LAMC2: variants seen among roughly 807,000 people sequenced by gnomAD.
LAMC2 encodes the protein laminin subunit gamma-2.
A neutral mutation model predicts 140.2 loss-of-function variants in LAMC2; 97 were observed. That is an observed-to-expected ratio of 0.69 (90% CI 0.59 to 0.82). The LOEUF (loss-of-function observed/expected upper bound fraction) is 0.82. Among genes scored for constraint, LAMC2 ranks in the 40% least tolerant of loss-of-function variants. The pLI, the probability that LAMC2 is intolerant of heterozygous loss-of-function variation, is 0.00. For missense variants in LAMC2, 1,402 were observed against 1,476.1 expected (o/e 0.95, Z 0.82); for synonymous variants, 513 against 540.2 (o/e 0.95, Z 0.70).
At position 183,225,704 on chromosome 1, in the gene LAMC2, T is replaced by C; in HGVS notation, c.1050T>C (p.Ala350=). 1 of 1,608,972 alleles carries C rather than the reference T, an allele frequency of 6.2e-7. No homozygotes were observed. The highest frequency in any genetic ancestry group is 1.3e-5 in the African/African-American group (1 of 74,942). ...LRNLTALRIR[A]TYGEYSTGYI... ...ATCTCACAGCCCTCCGCATCCGAGCTACATATGGAGAATACAGTAAGTGGC... is the reference window on the plus strand; with the variant it reads ...ATCTCACAGCCCTCCGCATCCGAGCCACATATGGAGAATACAGTAAGTGGC... The change falls in exon 8 of 23, where the codon GCT becomes GCC. Residue 350 remains alanine, a synonymous_variant. Transcript: ENST00000264144.
intron 22 of LAMC2, among the ~76,000 whole-genome samples, chr1:183,242,098 A>G (rs1173109231): frequency 1.3e-5 from 2 of 152,236 alleles, no homozygotes; most frequent in African/African-American, 4.8e-5. Flanking sequence ...AGTAAATTGT[A>G]GAGGCAGGAT....
At position 183,186,403 on chromosome 1, in the gene LAMC2, C is replaced by T. The variant is rs767456437; in HGVS notation, c.51C>T (p.Pro17=). Residue 17 remains proline, a synonymous_variant, in exon 1 of 23, where the codon CCC becomes CCT. Transcript: ENST00000264144. ...GCCTCTGCTTCTCGCTCCTCCTGCC[C>T]GCAGCCCGGGCCACCTCCAGGAGGG... ...GCCLCFSLLL[P]AARATSRREV... is the part of the protein sequence containing the mutation. 14 of 1,605,638 alleles carry T rather than the reference C, an allele frequency of 8.7e-6. No homozygotes were observed. The South Asian group carries it at 1.4e-4, about 16-fold the overall frequency.
In LAMC2 at chr1:183,223,236, C is replaced by T. The variant is rs1659527136; in HGVS notation, c.865C>T (p.Leu289=). The change falls in exon 7 of 23, where the codon CTG becomes TTG. Residue 289 remains leucine, a synonymous_variant. Transcript: ENST00000264144. ...GRHPSAHDVI[L]EGAGLRITAP... ...ACACCCATCTGCCCATGATGTGATT[C>T]TGGAAGGTGCTGGTCTACGGATCAC... The T allele has an allele frequency of 6.2e-7, 1 of 1,614,074 alleles. No individual in the cohort carries two copies. The highest frequency in any genetic ancestry group is 1.1e-5 in the South Asian group (1 of 91,086).
intron 1 of LAMC2, among the ~76,000 whole-genome samples, chr1:183,194,449 A>C (rs1406322820): frequency 6.6e-6 from 1 of 152,188 alleles, no homozygotes; most frequent in Non-Finnish European, 1.5e-5. Context: ...ATCTTTGCCT[A>C]ATCTCCTTGT....
Position 183,243,317 on chromosome 1 carries a change from C to G in LAMC2, c.3499C>G (p.Leu1167Val), listed in dbSNP as rs1660178617. 1 of 1,614,078 alleles carries G rather than the reference C, an allele frequency of 6.2e-7. No individual in the cohort carries two copies. The highest frequency in any genetic ancestry group is 1.3e-5 in the African/African-American group (1 of 74,918). Residue 1167 changes from leucine (L) to valine (V), a missense_variant, in exon 23 of 23, where the codon CTG becomes GTG. Coordinates refer to ENST00000264144, the MANE Select transcript of LAMC2 (RefSeq NM_005562.3). ...GCTGGAGACAAGCATAGATGGGATT[C>G]TGGCTGATGTGAAGAACTTGGAGAA... ...HLLETSIDGILADVKNLENIR... is the reference protein window; with the variant it reads ...HLLETSIDGIVADVKNLENIR...
At chr1:183,200,344 C>T (rs1362012188) in intron 1 of LAMC2, among the ~76,000 whole-genome samples, 10 of 151,746 alleles carry the variant, frequency 6.6e-5, no homozygotes, top group Admixed American at 5.3e-4. Flanking sequence ...AAGCCAAGAT[C>T]GCGCCACTGC....
intron 1 of LAMC2, among the ~76,000 whole-genome samples, chr1:183,188,482 C>G (rs1658224391): frequency 6.6e-6 from 1 of 152,196 alleles, no homozygotes; most frequent in South Asian, 2.1e-4. Flanking sequence ...AGCTAAAGCA[C>G]AGGCTTTAGA....
At chr1:183,231,528 G>C (rs1045489979) in intron 12 of LAMC2, among the ~76,000 whole-genome samples, 2 of 152,132 alleles carry the variant, frequency 1.3e-5, no homozygotes, top group Non-Finnish European at 2.9e-5. Flanking sequence ...TTTCCAGCTC[G>C]ATTTCTTTTC....
At chr1:183,192,983 G>A (rs1206917274) in intron 1 of LAMC2, among the ~76,000 whole-genome samples, 2 of 152,230 alleles carry the variant, frequency 1.3e-5, no homozygotes, top group Non-Finnish European at 2.9e-5. Context: ...GGGATTACAG[G>A]CATGAGCCAC....
chr1:183,254,081 C>T, the LAMC2 span, among the ~76,000 whole-genome samples: 3 of 152,102 alleles, frequency 2.0e-5, no homozygotes, highest in Non-Finnish European at 4.4e-5. Context: ...GTGGTGATTT[C>T]ATTTTCTTTG....
chr1:183,210,208 C>G (rs942658044), intron 2 of LAMC2, among the ~76,000 whole-genome samples: 8 of 152,072 alleles, frequency 5.3e-5, no homozygotes, highest in Non-Finnish European at 8.8e-5. Flanking sequence ...TTGTTGACAT[C>G]AAAGGTAATA....
Position 183,200,218 on chromosome 1 carries a change from C to G in LAMC2, c.80-7663C>G, listed in dbSNP as rs578019343. 2.6e-5 allele frequency among the ~76,000 whole-genome samples: 4 copies of G among 152,140 alleles called. No homozygotes were observed. In the South Asian group the frequency reaches 8.3e-4, roughly 32 times the overall value. On this transcript the variant is annotated intron_variant, in intron 1 of 22. Transcript: ENST00000264144. ...CCAGCCTGGCCAACATAGTGAAACC[C>G]TATCTCTAATAAACATACAAAATCA...
At chr1:183,218,653 C>T (rs1009103480) in intron 4 of LAMC2, among the ~76,000 whole-genome samples, 165 bp downstream of exon 4, 86 of 152,286 alleles carry the variant, frequency 5.6e-4, no homozygotes, top group African/African-American at 2.0e-3. Context: ...ACAACAACAG[C>T]AAAAACACAC....
At chr1:183,212,192 A>C (rs1243080026) in intron 2 of LAMC2, among the ~76,000 whole-genome samples, 1 of 152,250 alleles carries the variant, frequency 6.6e-6, no homozygotes, top group Non-Finnish European at 1.5e-5. Context: ...ATTTGGATGC[A>C]GAAAAAATGT....
At position 183,228,356 on chromosome 1, in the gene LAMC2, T is replaced by C. The variant is rs185854317; in HGVS notation, c.1469-18T>C. ...CTGATGGATGTCGACCTAGGCTTGG[T>C]CATTTGTTCCTTCCCAGGTGCCCGC... is the stretch of plus-strand genomic sequence containing the variant. On this transcript the variant is annotated intron_variant, in intron 10 of 22. Transcript: ENST00000264144. The surrounding 1 kb of genome is among the most constrained non-coding windows in gnomAD (Gnocchi z 4.3). 168 of 1,614,108 alleles carry C rather than the reference T, an allele frequency of 1.0e-4. 1 individual carries two copies. The African/African-American group carries it at 1.8e-3, about 17-fold the overall frequency.
Position 183,228,309 on chromosome 1 carries a change from G to A in LAMC2, c.1469-65G>A. ...TCTAGAGGGTGACTCGCAACTTTAGGCCTCTGCGTCTGGTCTTCCTCCTGA... is the reference window on the plus strand; with the variant it reads ...TCTAGAGGGTGACTCGCAACTTTAGACCTCTGCGTCTGGTCTTCCTCCTGA... On this transcript the variant is annotated intron_variant, in intron 10 of 22. Transcript: ENST00000264144. The surrounding 1 kb of genome is among the most constrained non-coding windows in gnomAD (Gnocchi z 4.3). The A allele has an allele frequency of 6.2e-7, 1 of 1,608,970 alleles. No homozygotes were observed. The highest frequency in any genetic ancestry group is 8.5e-7 in the Non-Finnish European group (1 of 1,175,762).
downstream of LAMC2, among the ~76,000 whole-genome samples, chr1:183,246,387 G>C (rs504895): frequency 0.28 from 42,966 of 152,028 alleles, 7,561 homozygotes; most frequent in African/African-American, 0.49. Flanking sequence ...TTAACCTGAC[G>C]CTGCCAAGAT....
At chr1:183,247,299 C>T (rs1660259595), downstream of LAMC2, among the ~76,000 whole-genome samples, 1 of 151,870 alleles carries the variant, frequency 6.6e-6, no homozygotes, top group Admixed American at 6.6e-5. Flanking sequence ...GCGACAAGAG[C>T]GAAACTCTGT....
chr1:183,228,299 G>C lies in LAMC2; in HGVS notation c.1469-75G>C, dbSNP rs1659692224. ...CTCTGGCTCTTCTAGAGGGTGACTCGCAACTTTAGGCCTCTGCGTCTGGTC... is the reference window on the plus strand; with the variant it reads ...CTCTGGCTCTTCTAGAGGGTGACTCCCAACTTTAGGCCTCTGCGTCTGGTC... On this transcript the variant is annotated intron_variant, in intron 10 of 22. Transcript: ENST00000264144. This position sits in a 1 kb window ranked among gnomAD's most constrained non-coding sequence, Gnocchi z 4.3. The C allele has an allele frequency of 2.5e-6, 4 of 1,598,152 alleles. No homozygotes were observed. The African/African-American group carries it at 4.0e-5, about 16-fold the overall frequency.
Sources: allele counts gnomAD v4.1 joint callset (sites outside exome capture counted in the v4.1 genomes callset), GRCh38; gene constraint gnomAD v4.1.1; non-coding constraint Gnocchi (gnomAD v3.1); transcripts MANE v1.5; gene names NCBI Gene and HGNC (gene_info 2026-07-23, HGNC 2026-07-21).